EFNA5: variants seen among roughly 807,000 people sequenced by gnomAD.
EFNA5 encodes the protein ephrin-A5.
A neutral mutation model predicts 22.9 loss-of-function variants in EFNA5; 5 were observed. The observed-to-expected ratio is 0.22, with a 90% CI of 0.11 to 0.46. The LOEUF is 0.46. Among genes scored for constraint, EFNA5 ranks in the 20% least tolerant of loss-of-function variants. EFNA5 has a pLI of 0.99. For synonymous variants in EFNA5, 113 were observed against 112.2 expected, an observed-to-expected ratio of 1.01 and a Z score of -0.04; for missense variants, 237 against 293.3, an observed-to-expected ratio of 0.81 and a Z score of 1.40.
chr5:107,477,732 G>A (rs1750351367), intron 1 of EFNA5, among the ~76,000 whole-genome samples: 2 of 152,036 alleles, frequency 1.3e-5, no homozygotes, highest in South Asian at 4.1e-4. Flanking sequence ...TTACAGGGTG[G>A]CTCTTATGTG....
At chr5:107,452,066 C>A (rs1749573507) in intron 1 of EFNA5, among the ~76,000 whole-genome samples, 2 of 152,108 alleles carry the variant, frequency 1.3e-5, no homozygotes, top group Admixed American at 1.3e-4. Flanking sequence ...GAGATCGTGT[C>A]CTTGATAAAG....
At chr5:107,437,649 C>CT (rs1580451440) in intron 1 of EFNA5, among the ~76,000 whole-genome samples, 7 of 152,336 alleles carry the variant, frequency 4.6e-5, no homozygotes, top group East Asian at 1.9e-4. Context: ...ATCCCCAACA[C>CT]TTAGCACCAT....
intron 1 of EFNA5, among the ~76,000 whole-genome samples, chr5:107,661,154 G>C (rs1312707014): frequency 1.3e-5 from 2 of 148,868 alleles, no homozygotes; most frequent in East Asian, 2.0e-4. Flanking sequence ...GAAAAAAAAA[G>C]TATTAGCTAA....
At chr5:107,617,639 A>G (rs1209172383) in intron 1 of EFNA5, among the ~76,000 whole-genome samples, 1 of 152,236 alleles carries the variant, frequency 6.6e-6, no homozygotes, top group East Asian at 1.9e-4. Context: ...CTTGTTCAAA[A>G]GGAAATAGGA....
intron 1 of EFNA5, among the ~76,000 whole-genome samples, chr5:107,483,557 G>T (rs567399613): frequency 6.6e-6 from 1 of 152,276 alleles, no homozygotes; most frequent in East Asian, 1.9e-4. Flanking sequence ...AAAAGAACAT[G>T]ATTTAAGAGA....
chr5:107,383,687 C>T (rs1299010001), intron 4 of EFNA5, among the ~76,000 whole-genome samples: 1 of 152,188 alleles, frequency 6.6e-6, no homozygotes, highest in Non-Finnish European at 1.5e-5. Context: ...GTTAAAGGTA[C>T]CCAGCTAGCA....
At chr5:107,648,206 T>C (rs1319429225) in intron 1 of EFNA5, among the ~76,000 whole-genome samples, 1 of 152,188 alleles carries the variant, frequency 6.6e-6, no homozygotes, top group East Asian at 1.9e-4. Flanking sequence ...GAAAAGTTCA[T>C]TTCATATTAT....
chr5:107,593,445 T>C (rs1004207530), intron 1 of EFNA5, among the ~76,000 whole-genome samples: 1 of 152,230 alleles, frequency 6.6e-6, no homozygotes, highest in African/African-American at 2.4e-5. Flanking sequence ...GAAACAGCAC[T>C]GCTTCTGACT....
At chr5:107,618,140 G>C (rs1320883550) in intron 1 of EFNA5, among the ~76,000 whole-genome samples, 1 of 152,080 alleles carries the variant, frequency 6.6e-6, no homozygotes, top group African/African-American at 2.4e-5. Context: ...ATCTTTATGT[G>C]CATAGTATAT....
At chr5:107,587,345 T>C (rs568674823) in intron 1 of EFNA5, among the ~76,000 whole-genome samples, 1 of 152,278 alleles carries the variant, frequency 6.6e-6, no homozygotes, top group East Asian at 1.9e-4. Flanking sequence ...TCAGAAGACT[T>C]CTTGACCTAC....
intron 2 of EFNA5, among the ~76,000 whole-genome samples, chr5:107,418,053 T>G (rs1748550516): frequency 6.6e-6 from 1 of 152,168 alleles, no homozygotes; most frequent in Non-Finnish European, 1.5e-5. Context: ...TTCTAGAAAG[T>G]ATTATTTTTT....
chr5:107,639,081 C>T (rs1388701168), intron 1 of EFNA5, among the ~76,000 whole-genome samples: 2 of 152,152 alleles, frequency 1.3e-5, no homozygotes, highest in East Asian at 1.9e-4. Flanking sequence ...GTTATAAAAG[C>T]GTTTCATTTA....
Position 107,634,663 on chromosome 5 carries a change from C to T in EFNA5, c.125+35826G>A, listed in dbSNP as rs9328014. Among the ~76,000 whole-genome samples, 698 of 146,294 alleles carry T rather than the reference C, an allele frequency of 4.8e-3. 34 individuals are homozygous for T. The highest frequency in any genetic ancestry group is 0.015 in the African/African-American group (611 of 41,002). On this transcript the variant is annotated intron_variant, in intron 1 of 4. Coordinates refer to ENST00000333274, the MANE Select transcript of EFNA5 (RefSeq NM_001962.3). ...ATATCAGGTGGATGTTCTTTACCCA[C>T]ATAGGCAGACTAAGTTTTAACCTGA...
intron 1 of EFNA5, among the ~76,000 whole-genome samples, chr5:107,662,064 AC>A (rs1230086420): frequency 2.6e-5 from 4 of 152,188 alleles, no homozygotes; most frequent in Non-Finnish European, 5.9e-5. Flanking sequence ...AAGAAAAAAA[AC>A]AAAAGGTATT....
chr5:107,392,727 C>T lies in EFNA5; in HGVS notation c.419-4956G>A, dbSNP rs529209446. Among the ~76,000 whole-genome samples the T allele has an allele frequency of 8.5e-5, 13 of 152,348 alleles. No individual in the cohort carries two copies. The South Asian group carries it at 1.7e-3, about 19-fold the overall frequency. On this transcript the variant is annotated intron_variant, in intron 2 of 4. Transcript: ENST00000333274. ...GTAGTTAAAGGCTTAAAGCTGACTT[C>T]GGACTGAAGGACTAAGACACTCTGG...
chr5:107,589,194 T>C (rs1261158014), intron 1 of EFNA5, among the ~76,000 whole-genome samples: 1 of 152,166 alleles, frequency 6.6e-6, no homozygotes, highest in Non-Finnish European at 1.5e-5. Context: ...TGAATTATGC[T>C]TGACAAGGGA....
At chr5:107,402,848 C>T (rs1022523391) in intron 2 of EFNA5, among the ~76,000 whole-genome samples, 17 of 152,196 alleles carry the variant, frequency 1.1e-4, no homozygotes, top group African/African-American at 3.9e-4. Context: ...CACAGCTTGC[C>T]TGAAGTCGTA....
intron 1 of EFNA5, among the ~76,000 whole-genome samples, chr5:107,557,548 A>G (rs1187441850): frequency 9.9e-5 from 15 of 152,192 alleles, no homozygotes; most frequent in Admixed American, 9.8e-4. Flanking sequence ...AAACAATGAC[A>G]TTTGTCAATG....
chr5:107,580,924 C>T (rs10061771), intron 1 of EFNA5, among the ~76,000 whole-genome samples: 44,333 of 151,900 alleles, frequency 0.29, 6,754 homozygotes, highest in Middle Eastern at 0.35. Flanking sequence ...TCCAAAAAAA[C>T]GAGCTTAGAG....
Sources: allele counts gnomAD v4.1 joint callset (sites outside exome capture counted in the v4.1 genomes callset), GRCh38; gene constraint gnomAD v4.1.1; transcripts MANE v1.5; gene names NCBI Gene and HGNC (gene_info 2026-07-23, HGNC 2026-07-21).